PLCXD2: variants seen among roughly 807,000 people sequenced by gnomAD.
PLCXD2 encodes phosphatidylinositol specific phospholipase C X domain containing 2.
In PLCXD2, 21 loss-of-function variants were observed where a neutral mutation model predicts 28.6. That is an observed-to-expected ratio of 0.73 (90% confidence interval 0.52 to 1.06). PLCXD2 has a LOEUF of 1.06. Ranked by LOEUF, PLCXD2 falls within the 50% of genes least tolerant of loss-of-function variation. PLCXD2 has a pLI of 0.00. For synonymous variants in PLCXD2, 140 were observed against 150.1 expected (o/e 0.93, Z 0.49); for missense variants, 369 against 376.7 (o/e 0.98, Z 0.17).
At chr3:111,703,779 G>A (rs367814292) in intron 1 of PLCXD2, among the ~76,000 whole-genome samples, 8 of 152,130 alleles carry the variant, frequency 5.3e-5, no homozygotes, top group Middle Eastern at 3.2e-3. Context: ...AGGGAGCCTC[G>A]TTAACAGAGA....
Position 111,675,084 on chromosome 3 carries a change from G to T in PLCXD2, c.-162G>T, listed in dbSNP as rs1234307163. 2.8e-6 allele frequency: 2 copies of T among 725,558 alleles called. No homozygotes were observed. The highest frequency in any genetic ancestry group is 2.3e-6 in the Non-Finnish European group (1 of 439,466). The allele number at this position is 725,558 out of a possible 1,614,324, so 44.9% of individuals were successfully genotyped here. On this transcript the variant is annotated 5_prime_UTR_variant, in exon 1 of 5. Coordinates refer to ENST00000477665, the MANE Select transcript of PLCXD2 (RefSeq NM_001185106.1). ...GAGAGAGTGGGGACTGTGAGTGCTAGTGGGTAAGGATCCATCTGTTTGCCC... is the reference window on the plus strand; with the variant it reads ...GAGAGAGTGGGGACTGTGAGTGCTATTGGGTAAGGATCCATCTGTTTGCCC...
chr3:111,698,917 T>C (rs1941000629), intron 1 of PLCXD2, among the ~76,000 whole-genome samples: 1 of 152,156 alleles, frequency 6.6e-6, no homozygotes, highest in Non-Finnish European at 1.5e-5. Flanking sequence ...ACTTTGTACA[T>C]AGAAGAATAA....
chr3:111,717,000 T>C (rs1941275577), intron 3 of PLCXD2, among the ~76,000 whole-genome samples: 1 of 152,050 alleles, frequency 6.6e-6, no homozygotes, highest in African/African-American at 2.4e-5. Flanking sequence ...AGACATGAAA[T>C]CTGATGACAC....
At chr3:111,676,329 C>G (rs1416403278) in intron 1 of PLCXD2, among the ~76,000 whole-genome samples, 1 of 152,164 alleles carries the variant, frequency 6.6e-6, no homozygotes, top group Non-Finnish European at 1.5e-5. Flanking sequence ...CCACAGACTA[C>G]CAGACAAACT....
intron 1 of PLCXD2, among the ~76,000 whole-genome samples, chr3:111,677,664 T>G (rs962871563): frequency 6.6e-6 from 1 of 152,230 alleles, no homozygotes; most frequent in East Asian, 1.9e-4. Flanking sequence ...GATGTTGTAT[T>G]TAAGCCCCTG....
At chr3:111,684,663 A>G (rs985069196) in intron 1 of PLCXD2, among the ~76,000 whole-genome samples, 2 of 152,160 alleles carry the variant, frequency 1.3e-5, no homozygotes, top group Non-Finnish European at 2.9e-5. Flanking sequence ...TAAAAAAAAA[A>G]AAAATAAAGT....
chr3:111,695,497 T>G (rs539275664), intron 1 of PLCXD2, among the ~76,000 whole-genome samples: 14 of 152,358 alleles, frequency 9.2e-5, no homozygotes, highest in African/African-American at 3.4e-4. Flanking sequence ...GGGGTCATTC[T>G]CAAGTAGAGT....
At chr3:111,700,574 G>A (rs1241377278) in intron 1 of PLCXD2, among the ~76,000 whole-genome samples, 5 of 151,856 alleles carry the variant, frequency 3.3e-5, no homozygotes, top group Non-Finnish European at 7.4e-5. Context: ...AGATCATATT[G>A]CTTCTCCTCT....
chr3:111,725,495 C>A (rs546741847), intron 3 of PLCXD2: 1 of 396,926 alleles, frequency 2.5e-6, no homozygotes, highest in East Asian at 3.6e-5. Context: ...GGACGCTCTC[C>A]GTAGCTTCTG....
rs188837903 is a variant in PLCXD2 at position 111,693,393 on chromosome 3, C to T, written c.164-14533C>T. Among the ~76,000 whole-genome samples the T allele has an allele frequency of 2.3e-4, 35 of 152,324 alleles. No individual in the cohort carries two copies. The East Asian group carries it at 6.7e-3, about 29-fold the overall frequency. ...CGCAGTGACGACCTGCTGCATTCTA[C>T]ACTAGTGCAGTGCTATTCTGAGCAA... On this transcript the variant is annotated intron_variant, in intron 1 of 4. Transcript: ENST00000477665.
intron 1 of PLCXD2, among the ~76,000 whole-genome samples, chr3:111,688,285 G>A (rs1940824642): frequency 6.6e-6 from 1 of 152,226 alleles, no homozygotes; most frequent in South Asian, 2.1e-4. Context: ...AAGATTGACA[G>A]AACTCATTGA....
intron 3 of PLCXD2, among the ~76,000 whole-genome samples, chr3:111,715,867 T>C (rs1437418428): frequency 6.6e-6 from 1 of 152,240 alleles, no homozygotes; most frequent in Non-Finnish European, 1.5e-5. Flanking sequence ...AGTTGTCTTA[T>C]TAGTACCTGA....
intron 2 of PLCXD2, among the ~76,000 whole-genome samples, chr3:111,709,332 G>A (rs1345273077): frequency 7.2e-5 from 11 of 152,158 alleles, no homozygotes; most frequent in Admixed American, 5.9e-4. Flanking sequence ...TTGCCCTAAT[G>A]GAGCTGTCAT....
chr3:111,720,020 T>G (rs1265732678), intron 3 of PLCXD2, among the ~76,000 whole-genome samples: 9 of 152,160 alleles, frequency 5.9e-5, no homozygotes, highest in Admixed American at 5.9e-4. Flanking sequence ...CAAGATGGAT[T>G]GATGGAAGGA....
intron 2 of PLCXD2, among the ~76,000 whole-genome samples, chr3:111,710,452 T>C (rs958841882): frequency 1.3e-5 from 2 of 152,230 alleles, no homozygotes; most frequent in African/African-American, 4.8e-5. Context: ...AGATGGGTAC[T>C]TTGTTATTGT....
rs544219438 is a variant in PLCXD2 at position 111,689,261 on chromosome 3, A to T, written c.163+13853A>T. Among the ~76,000 whole-genome samples, 6 of 152,292 alleles carry T rather than the reference A, an allele frequency of 3.9e-5. No homozygotes were observed. In the South Asian group the frequency reaches 1.0e-3, roughly 26 times the overall value. On this transcript the variant is annotated intron_variant, in intron 1 of 4. Transcript: ENST00000477665. ...AAATGCCCAAAATTAGAGATGAGAA[A>T]ACAAGGGCACCTTCAGGAAACAGAG...
At chr3:111,686,502 A>C (rs1940797247) in intron 1 of PLCXD2, among the ~76,000 whole-genome samples, 1 of 152,252 alleles carries the variant, frequency 6.6e-6, no homozygotes, top group Non-Finnish European at 1.5e-5. Flanking sequence ...CCTCATGGAA[A>C]ATAAACAAGT....
intron 1 of PLCXD2, among the ~76,000 whole-genome samples, chr3:111,698,400 G>C (rs529373363): frequency 2.0e-5 from 3 of 152,338 alleles, no homozygotes; most frequent in South Asian, 4.1e-4. Context: ...CCACTGCGGG[G>C]ACACTCCATT....
chr3:111,699,925 C>G (rs1941016722), intron 1 of PLCXD2, among the ~76,000 whole-genome samples: 1 of 152,166 alleles, frequency 6.6e-6, no homozygotes, highest in South Asian at 2.1e-4. Context: ...GGGAAAGGCA[C>G]TTCACCAGAT....
Sources: allele counts gnomAD v4.1 joint callset (sites outside exome capture counted in the v4.1 genomes callset), GRCh38; gene constraint gnomAD v4.1.1; transcripts MANE v1.5; gene names NCBI Gene and HGNC (gene_info 2026-07-23, HGNC 2026-07-21).